DNAH17: variants seen among roughly 807,000 people sequenced by gnomAD.
DNAH17 encodes the protein axonemal beta dynein heavy chain 17.
A neutral mutation model predicts 485.6 loss-of-function variants in DNAH17; 376 were observed. That is an observed-to-expected ratio of 0.77 (90% CI 0.71 to 0.84). The LOEUF (loss-of-function observed/expected upper bound fraction) is 0.84, where lower values mean the gene tolerates loss of function less well. Among genes scored for constraint, DNAH17 ranks in the 40% least tolerant of loss-of-function variants. The pLI is 0.00. For synonymous variants in DNAH17, 3,031 were observed against 2,405.9 expected (o/e 1.26, Z -7.60); for missense variants, 6,370 against 5,839.3 (o/e 1.09, Z -2.96).
chr17:78,563,931 C>G (rs181666900), intron 11 of DNAH17, among the ~76,000 whole-genome samples: 16 of 147,354 alleles, frequency 1.1e-4, no homozygotes, highest in African/African-American at 4.0e-4. Context: ...CTCCGCTTTT[C>G]TTTGTTTTAA....
intron 19 of DNAH17, among the ~76,000 whole-genome samples, chr17:78,535,842 C>T (rs2091359730): frequency 6.6e-6 from 1 of 152,226 alleles, no homozygotes; most frequent in African/African-American, 2.4e-5. Flanking sequence ...TGACAATTCA[C>T]AGAATCTGGG....
chr17:78,469,049 C>T (rs552437094), intron 54 of DNAH17, among the ~76,000 whole-genome samples, 166 bp from the exon 55 acceptor site: 17 of 152,370 alleles, frequency 1.1e-4, no homozygotes, highest in African/African-American at 3.1e-4. Context: ...CTGCAACCTC[C>T]GTCTCCTGGG....
At chr17:78,546,908 AAAG>A (rs1183241618) in intron 16 of DNAH17, among the ~76,000 whole-genome samples, 1 of 58,726 alleles carries the variant, frequency 1.7e-5, no homozygotes, top group Non-Finnish European at 3.9e-5. Context: ...CCATCTCAAG[AAAG>A]AAAAAAAAAA....
chr17:78,454,255 T>C (rs1390114356), intron 64 of DNAH17, among the ~76,000 whole-genome samples: 1 of 152,176 alleles, frequency 6.6e-6, no homozygotes, highest in African/African-American at 2.4e-5. Context: ...CACTCTCCTT[T>C]CCCTGCAGGA....
intron 11 of DNAH17, among the ~76,000 whole-genome samples, chr17:78,563,925 GCTTTT>G (rs907143612): frequency 1.3e-5 from 2 of 151,610 alleles, no homozygotes; most frequent in African/African-American, 4.9e-5. Flanking sequence ...CCTCCCCTCC[GCTTTT>G]CTTTGTTTTA....
At chr17:78,425,601 G>A (rs1243198368) in intron 79 of DNAH17, 30 bp from the exon 80 acceptor site, 25 of 1,569,022 alleles carry the variant, frequency 1.6e-5, no homozygotes, top group South Asian at 1.0e-4. Flanking sequence ...GCTAGGAGGA[G>A]AGGACATAGA....
At position 78,484,488 on chromosome 17, in the gene DNAH17, T is replaced by C. The variant is rs544991065; in HGVS notation, c.7649+380A>G. On this transcript the variant is annotated intron_variant, in intron 48 of 80. Coordinates refer to ENST00000389840, the MANE Select transcript of DNAH17 (RefSeq NM_173628.4). ...GCTCCTCTGTGACTGCACTGGGGGT[T>C]TTCCTCAGGGCTCTTCCTTTACCGG... Among the ~76,000 whole-genome samples, 108 of 152,186 alleles carry C rather than the reference T, an allele frequency of 7.1e-4. 1 individual carries two copies. The highest frequency in any genetic ancestry group is 2.5e-3 in the African/African-American group (103 of 41,520).
intron 19 of DNAH17, among the ~76,000 whole-genome samples, chr17:78,536,516 C>CA (rs946248799): frequency 2.6e-5 from 4 of 151,872 alleles, no homozygotes; most frequent in African/African-American, 9.7e-5. Flanking sequence ...CCCATCTCTA[C>CA]AAAAAAATAC....
chr17:78,429,247 G>A lies in DNAH17; in HGVS notation c.12279C>T (p.His4093=). 1.2e-6 allele frequency: 2 copies of A among 1,613,952 alleles called. No homozygotes were observed. Among genetic ancestry groups the A allele is most frequent in the Non-Finnish European group, 1.7e-6 (2 of 1,179,908 alleles). The change falls in exon 76 of 81, where the codon CAC becomes CAT. Residue 4093 remains histidine (H), a synonymous_variant. Transcript: ENST00000389840. ...YLFGEIMYGG[H]ITDDWDRRLC... ...GCCGACGGTCCCAGTCATCTGTGATGTGGCCGCCATACATGATTTCACCAA... is the reference window on the plus strand; with the variant it reads ...GCCGACGGTCCCAGTCATCTGTGATATGGCCGCCATACATGATTTCACCAA...
intron 16 of DNAH17, among the ~76,000 whole-genome samples, chr17:78,544,883 A>AT (rs906049659): frequency 1.5e-4 from 23 of 149,618 alleles, no homozygotes; most frequent in African/African-American, 4.4e-4. Flanking sequence ...CTGTCATTAG[A>AT]TTTTTTTTCC....
chr17:78,449,600 C>G lies in DNAH17; in HGVS notation c.11041-16G>C. 1 of 1,594,814 alleles carries G rather than the reference C, an allele frequency of 6.3e-7. No individual in the cohort carries two copies. The highest frequency in any genetic ancestry group is 8.6e-7 in the Non-Finnish European group (1 of 1,169,130). ...CGTTGAAGGCCTGGGGATCCGCCAC[C>G]GAGAGCCATGGAGGCGTGCAGAGAT... On this transcript the variant is annotated splice_polypyrimidine_tract_variant and intron_variant, in intron 68 of 80. Transcript: ENST00000389840.
At chr17:78,515,590 C>T (rs900570702) in intron 25 of DNAH17, among the ~76,000 whole-genome samples, 3 of 152,242 alleles carry the variant, frequency 2.0e-5, no homozygotes, top group Non-Finnish European at 4.4e-5. Context: ...TGTTGCTGGC[C>T]AGGACCCAGT....
At chr17:78,445,507 G>T in intron 70 of DNAH17, 51 bp downstream of exon 70, 1 of 1,544,796 alleles carries the variant, frequency 6.5e-7, no homozygotes, top group Non-Finnish European at 8.8e-7. Context: ...CAGCTGGAGG[G>T]GGCTCCACGG....
chr17:78,564,757 T>TTA (rs1256352005), intron 11 of DNAH17, among the ~76,000 whole-genome samples: 1 of 152,094 alleles, frequency 6.6e-6, no homozygotes, highest in African/African-American at 2.4e-5. Flanking sequence ...TCAAATCCAG[T>TTA]GCCTGACCTC....
rs1381215301 is a variant in DNAH17, at chr17:78,425,541, G to C, written c.12946C>G (p.Leu4316Val). 1.9e-6 allele frequency: 3 copies of C among 1,613,078 alleles called. No individual in the cohort carries two copies. In the African/African-American group the frequency reaches 4.0e-5, roughly 22 times the overall value. The stretch of plus-strand genomic sequence containing the variant: ...CCGGCCAGCCACACGGTGGTGGGCA[G>C]GGCAAAGTCTGTCGTCCAGGCCTCG... ...ELEAWTTDFA[L>V]PTTVWLAGFF... is the part of the protein sequence containing the mutation. The change falls in exon 80 of 81, where the codon CTG (leucine) becomes GTG (valine). Residue 4316 changes from leucine to valine, a missense_variant. Coordinates refer to ENST00000389840, the MANE Select transcript of DNAH17 (RefSeq NM_173628.4).
chr17:78,451,063 A>AG (rs745361568), intron 66 of DNAH17, among the ~76,000 whole-genome samples: 1 of 152,192 alleles, frequency 6.6e-6, no homozygotes, highest in African/African-American at 2.4e-5. Flanking sequence ...CGGAGACTGT[A>AG]GGGGGCAGAA....
At chr17:78,476,037 C>T (rs1247610198) in intron 52 of DNAH17, among the ~76,000 whole-genome samples, 1 of 152,136 alleles carries the variant, frequency 6.6e-6, no homozygotes, top group Admixed American at 6.5e-5. Context: ...GTCTGATCCC[C>T]ACTGTATCAG....
Position 78,485,526 on chromosome 17 carries a change from A to G in DNAH17, c.7483+24T>C, listed in dbSNP as rs11077370. The G allele has an allele frequency of 0.74, 1,147,479 of 1,551,840 alleles. 425,860 individuals are homozygous for G. The highest frequency in any genetic ancestry group is 0.86 in the African/African-American group (63,081 of 73,468). On this transcript the variant is annotated intron_variant, in intron 47 of 80. Transcript: ENST00000389840. ...ACTGGCGGGGGGCAGCCGGGTAGGCAGGGCGTGGCCGGACCAGCCTCACCC... is the reference window on the plus strand; with the variant it reads ...ACTGGCGGGGGGCAGCCGGGTAGGCGGGGCGTGGCCGGACCAGCCTCACCC...
At position 78,476,564 on chromosome 17, in the gene DNAH17, T is replaced by C; in HGVS notation, c.8154+8A>G. Reference sequence around the variant, plus strand: ...GGCTCGGCAGAGGGACTGGGCAGCTTGACTTACATCAAAGAACTTCTTGGT... The same window carrying C: ...GGCTCGGCAGAGGGACTGGGCAGCTCGACTTACATCAAAGAACTTCTTGGT... On this transcript the variant is annotated splice_region_variant and intron_variant, in intron 52 of 80. Coordinates refer to ENST00000389840, the MANE Select transcript of DNAH17 (RefSeq NM_173628.4). The C allele has an allele frequency of 6.2e-7, 1 of 1,606,978 alleles. No homozygotes were observed. The highest frequency in any genetic ancestry group is 2.2e-5 in the East Asian group (1 of 44,742).
Sources: gnomAD v4.1 joint callset for allele counts (sites outside exome capture counted in the v4.1 genomes callset) on GRCh38, gnomAD v4.1.1 for gene constraint, MANE v1.5 for transcripts, NCBI Gene and HGNC (gene_info 2026-07-23, HGNC 2026-07-21) for gene names.